LDHAL6A: variants seen among roughly 807,000 people sequenced by gnomAD.
LDHAL6A encodes lactate dehydrogenase A like 6A.
A neutral mutation model predicts 28.2 loss-of-function variants in LDHAL6A; 19 were observed. The ratio of observed to expected loss-of-function variants is 0.67; its 90% CI spans 0.47 to 0.99. The LOEUF is 0.99. Ranked by LOEUF, LDHAL6A falls within the 50% of genes least tolerant of loss-of-function variation. LDHAL6A has a pLI of 0.00. For missense variants in LDHAL6A, 372 were observed against 398.6 expected (o/e 0.93, Z 0.57); for synonymous variants, 144 against 134.4 (o/e 1.07, Z -0.49).
chr11:18,462,408 C>G (rs966282696), intron 1 of LDHAL6A, among the ~76,000 whole-genome samples: 7 of 151,698 alleles, frequency 4.6e-5, no homozygotes, highest in Admixed American at 6.6e-5. Context: ...GAGGCAGAGG[C>G]GGGCGGATCA....
intron 1 of LDHAL6A, among the ~76,000 whole-genome samples, chr11:18,460,865 C>T (rs1304153834): frequency 6.6e-6 from 1 of 152,146 alleles, no homozygotes; most frequent in African/African-American, 2.4e-5. Context: ...GAGAGGGAGT[C>T]TCACTCTGTT....
intron 3 of LDHAL6A, among the ~76,000 whole-genome samples, chr11:18,466,708 G>C (rs1013589218): frequency 1.3e-5 from 2 of 150,298 alleles, no homozygotes; most frequent in Admixed American, 6.6e-5. Context: ...TTAATCATAT[G>C]AGTTCAAGGT....
intron 3 of LDHAL6A, among the ~76,000 whole-genome samples, chr11:18,474,298 T>TA (rs1366014600): frequency 6.6e-6 from 1 of 151,610 alleles, no homozygotes; most frequent in Non-Finnish European, 1.5e-5. Flanking sequence ...AGGCTGGTCT[T>TA]AAACTCCTGA....
intron 3 of LDHAL6A, among the ~76,000 whole-genome samples, chr11:18,466,827 T>A (rs2133874381): frequency 6.6e-6 from 1 of 152,302 alleles, no homozygotes. Flanking sequence ...TCCTCACTGG[T>A]GCATTTACAA....
At chr11:18,461,817 C>T (rs1448433917) in intron 1 of LDHAL6A, among the ~76,000 whole-genome samples, 2 of 148,864 alleles carry the variant, frequency 1.3e-5, no homozygotes, top group East Asian at 4.0e-4. Flanking sequence ...AGTGCCACTG[C>T]ACTCCAGCCT....
chr11:18,467,687 A>G (rs1440248823), intron 3 of LDHAL6A, among the ~76,000 whole-genome samples: 4 of 150,982 alleles, frequency 2.6e-5, no homozygotes, highest in Middle Eastern at 3.4e-3. Flanking sequence ...GCAAAATCCC[A>G]TCTTTACTAA....
intron 3 of LDHAL6A, among the ~76,000 whole-genome samples, chr11:18,471,782 A>AAT (rs1491213943): frequency 4.3e-4 from 62 of 145,862 alleles, no homozygotes; most frequent in African/African-American, 1.3e-3. Context: ...AAAAAAAAAA[A>AAT]TTTTTTCCAA....
intron 5 of LDHAL6A, 77 bp downstream of exon 5, chr11:18,476,578 C>CT: frequency 6.5e-7 from 1 of 1,531,460 alleles, no homozygotes; most frequent in Non-Finnish European, 8.8e-7. Flanking sequence ...AGATTAGTCC[C>CT]TTAAATATAT....
rs529010633 is a variant in LDHAL6A at position 18,456,706 on chromosome 11, T to C, written c.26T>C (p.Ile9Thr). The C allele has an allele frequency of 1.7e-5, 27 of 1,613,912 alleles. No homozygotes were observed. Among genetic ancestry groups the C allele is most frequent in the East Asian group, 2.2e-5 (1 of 44,898 alleles). MATIKSEL[I>T]KNFAEEEAIH... Reference sequence around the variant, plus strand: ...ATGGCAACTATCAAGAGTGAACTTATTAAGAATTTCGCGGAAGAGGAGGCC... The same window carrying C: ...ATGGCAACTATCAAGAGTGAACTTACTAAGAATTTCGCGGAAGAGGAGGCC... The change falls in exon 1 of 7, where the codon ATT becomes ACT. Residue 9 changes from isoleucine to threonine, a missense_variant. By Grantham distance (89) the Ile-to-Thr change is moderately conservative. Coordinates refer to ENST00000280706, the MANE Select transcript of LDHAL6A (RefSeq NM_144972.5).
chr11:18,479,025 T>C lies in LDHAL6A; in HGVS notation c.*155T>C, dbSNP rs1590265199. 4 of 614,670 alleles carry C rather than the reference T, an allele frequency of 6.5e-6. No homozygotes were observed. The highest frequency in any genetic ancestry group is 2.1e-5 in the South Asian group (1 of 47,770). The allele number at this position is 614,670 out of a possible 1,614,324, so 38.1% of individuals were successfully genotyped here. A position where few individuals can be genotyped will look rare whatever the true frequency, so the allele number is the denominator to read the frequency against. ...AGCCTTCCAGCTTTTTTTTTTTTCT[T>C]TTTTGGGAGGGTCTCATTCTGTCAC... On this transcript the variant is annotated 3_prime_UTR_variant, in exon 7 of 7. Transcript: ENST00000280706.
intron 5 of LDHAL6A, among the ~76,000 whole-genome samples, chr11:18,477,248 C>T (rs960077267): frequency 2.0e-5 from 3 of 151,994 alleles, no homozygotes; most frequent in African/African-American, 7.2e-5. Flanking sequence ...CACTTGAGAT[C>T]AGGAGTATGA....
At chr11:18,471,354 C>T (rs549268514) in intron 3 of LDHAL6A, among the ~76,000 whole-genome samples, 9 of 151,766 alleles carry the variant, frequency 5.9e-5, no homozygotes, top group African/African-American at 1.2e-4. Flanking sequence ...GGATTGCAGG[C>T]GCACACCATC....
chr11:18,476,233 C>T, intron 4 of LDHAL6A, 151 bp from the exon 5 acceptor site: 1 of 803,242 alleles, frequency 1.2e-6, no homozygotes, highest in Non-Finnish European at 1.9e-6. Context: ...CTGTGGAGAT[C>T]TAGATTTAGA....
At position 18,478,869 on chromosome 11, in the gene LDHAL6A, A is replaced by G; in HGVS notation, c.998A>G (p.Ter333=). The G allele has an allele frequency of 6.2e-7, 1 of 1,608,908 alleles. No homozygotes were observed. Among genetic ancestry groups the G allele is most frequent in the Non-Finnish European group, 8.5e-7 (1 of 1,178,344 alleles). ...LWEIQKELKL[*] The stretch of plus-strand genomic sequence containing the variant: ...GAAATTCAGAAGGAGCTCAAGCTTT[A>G]AAGTTGCTTAAAGCTAATTCTGTAG... The change falls in exon 7 of 7, where the codon TAA becomes TGA. Residue 333 remains the stop codon, a stop_retained_variant. Transcript: ENST00000280706.
At position 18,478,718 on chromosome 11, in the gene LDHAL6A, A is replaced by G. The variant is rs573063684; in HGVS notation, c.847A>G (p.Ile283Val). The change falls in exon 7 of 7, where the codon ATA (isoleucine) becomes GTA (valine). Residue 283 changes from isoleucine to valine, a missense_variant. This residue lies in a region of LDHAL6A where 291 missense variants were observed against 302.9 expected (regional missense o/e 0.96). Coordinates refer to ENST00000280706, the MANE Select transcript of LDHAL6A (RefSeq NM_144972.5). ...TCTTTACTTTCAGGGCCTCTATGGA[A>G]TAAATGAAGACATATTCCTTAGTGT... The part of the protein sequence containing the change: ...VSTLSKGLYG[I>V]NEDIFLSVPC... The G allele has an allele frequency of 4.7e-5, 75 of 1,608,294 alleles. No homozygotes were observed. In the South Asian group the frequency reaches 7.6e-4, roughly 16 times the overall value.
chr11:18,469,263 T>G, intron 3 of LDHAL6A: 1 of 580,386 alleles, frequency 1.7e-6, no homozygotes, highest in East Asian at 3.1e-5. Context: ...GTTAAGTGAA[T>G]CCCCAACCTA....
chr11:18,464,788 A>C (rs892185670), intron 2 of LDHAL6A, among the ~76,000 whole-genome samples: 5 of 151,850 alleles, frequency 3.3e-5, no homozygotes, highest in Admixed American at 6.6e-5. Flanking sequence ...TAAGCTCTTC[A>C]CTACTGTACT....
At chr11:18,475,177 A>G in intron 3 of LDHAL6A, 1 of 253,816 alleles carries the variant, frequency 3.9e-6, no homozygotes, top group South Asian at 7.3e-5. Flanking sequence ...AATTATTTGA[A>G]AGACTTGATA....
At chr11:18,471,651 G>A (rs559486800) in intron 3 of LDHAL6A, among the ~76,000 whole-genome samples, 3 of 151,680 alleles carry the variant, frequency 2.0e-5, no homozygotes, top group Admixed American at 6.6e-5. Context: ...GAGGCTGGGC[G>A]TGGTGGTTCA....
Sources: allele counts gnomAD v4.1 joint callset (sites outside exome capture counted in the v4.1 genomes callset), GRCh38; gene constraint gnomAD v4.1.1; regional missense constraint gnomAD v4.1.1; transcripts MANE v1.5; gene names NCBI Gene and HGNC (gene_info 2026-07-23, HGNC 2026-07-21).